FSD2: variants seen among roughly 807,000 people sequenced by gnomAD.
The protein encoded by FSD2 is fibronectin type III and SPRY domain-containing protein 2.
FSD2 carries 71 observed loss-of-function variants against 80.4 expected under a neutral mutation model. The observed-to-expected ratio is 0.88, with a 90% CI of 0.73 to 1.08. The LOEUF (loss-of-function observed/expected upper bound fraction) is 1.08. Ranked by LOEUF, FSD2 falls within the 50% of genes least tolerant of loss-of-function variation. FSD2 has a pLI of 0.00. For missense variants in FSD2, 923 were observed against 913.8 expected (o/e 1.01, Z -0.13); for synonymous variants, 361 against 329.5 (o/e 1.10, Z -1.03).
chr15:82,785,735 A>G (rs1341449735), intron 3 of FSD2, among the ~76,000 whole-genome samples: 1 of 152,138 alleles, frequency 6.6e-6, no homozygotes, highest in African/African-American at 2.4e-5. Context: ...AGTGTTTGAC[A>G]GTCTACACCT....
In FSD2 at chr15:82,769,738, G is replaced by C; in HGVS notation, c.1402+12C>G. 1 of 1,600,986 alleles carries C rather than the reference G, an allele frequency of 6.2e-7. No homozygotes were observed. Among genetic ancestry groups the C allele is most frequent in the Non-Finnish European group, 8.5e-7 (1 of 1,169,630 alleles). On this transcript the variant is annotated intron_variant, in intron 8 of 12. Coordinates refer to ENST00000334574, the MANE Select transcript of FSD2 (RefSeq NM_001007122.4). ...ATGAAAGCCCTGCTATAGGAAATGA[G>C]TAGCCCATTACCTGTCATGTACACT...
chr15:82,794,597 A>T (rs2050218751), intron 1 of FSD2, among the ~76,000 whole-genome samples: 1 of 152,208 alleles, frequency 6.6e-6, no homozygotes, highest in African/African-American at 2.4e-5. Flanking sequence ...GAAGTCTTCA[A>T]CTATTATTAT....
Position 82,786,913 on chromosome 15 carries a change from C to A in FSD2, c.478G>T (p.Glu160Ter). 1.2e-6 allele frequency: 2 copies of A among 1,613,950 alleles called. No homozygotes were observed. Among genetic ancestry groups the A allele is most frequent in the Non-Finnish European group, 1.7e-6 (2 of 1,179,888 alleles). ...YRYTHGRASE[E>*]YECYVIPEEE... The stretch of plus-strand genomic sequence containing the variant: ...TCGGGGATGACATAGCATTCATACT[C>A]CTCGCTGGCACGGCCGTGTGTGTAC... The change falls in exon 2 of 13, where the codon GAG becomes TAG. Residue 160 changes from glutamate to a stop codon, truncating the protein, a stop_gained. Transcript: ENST00000334574. LOFTEE classifies it high-confidence loss of function.
chr15:82,778,259 C>T (rs1318037513), intron 6 of FSD2, among the ~76,000 whole-genome samples: 4 of 150,298 alleles, frequency 2.7e-5, no homozygotes, highest in Non-Finnish European at 4.4e-5. Flanking sequence ...CAGCATTATT[C>T]ACAATAACCA....
In FSD2 at chr15:82,756,079, G is replaced by A. The variant is rs780986174; in HGVS notation, c.*3269C>T. ...ACTTATCTACCAACAGCAATTACAC[G>A]CTTTCCATTGTCTTCCTATAGAAAA... On this transcript the variant is annotated 3_prime_UTR_variant, in exon 13 of 13. Transcript: ENST00000334574. 5 of 468,386 alleles carry A rather than the reference G, an allele frequency of 1.1e-5. No individual in the cohort carries two copies. The highest frequency in any genetic ancestry group is 5.7e-5 in the East Asian group (1 of 17,494). The allele number at this position is 468,386 out of a possible 1,614,324, so 29.0% of individuals were successfully genotyped here. A position where few individuals can be genotyped will look rare whatever the true frequency, so the allele number is the denominator to read the frequency against.
At chr15:82,776,895 T>C (rs938922892) in intron 6 of FSD2, among the ~76,000 whole-genome samples, 7 of 152,140 alleles carry the variant, frequency 4.6e-5, no homozygotes, top group African/African-American at 1.7e-4. Flanking sequence ...CATAGACCAA[T>C]GAAACAGAAT....
chr15:82,763,199 C>T (rs956008831), intron 11 of FSD2, among the ~76,000 whole-genome samples: 18 of 152,224 alleles, frequency 1.2e-4, no homozygotes, highest in African/African-American at 4.3e-4. Context: ...ATTCCCACCC[C>T]TCTTATCTAC....
At position 82,781,161 on chromosome 15, in the gene FSD2, G is replaced by A. The variant is rs147539397; in HGVS notation, c.967-894C>T. Among the ~76,000 whole-genome samples, 91 of 152,302 alleles carry A rather than the reference G, an allele frequency of 6.0e-4. No homozygotes were observed. The East Asian group carries it at 0.016, about 26-fold the overall frequency. ...TTGTGAACAGTTAATGAATGGAAAC[G>A]CCATCATTTACTTGATGGTTCTTCT... is the stretch of plus-strand genomic sequence containing the variant. On this transcript the variant is annotated intron_variant, in intron 4 of 12. Transcript: ENST00000334574.
At chr15:82,776,870 G>A (rs1341007845) in intron 6 of FSD2, among the ~76,000 whole-genome samples, 2 of 152,136 alleles carry the variant, frequency 1.3e-5, no homozygotes, top group Non-Finnish European at 2.9e-5. Flanking sequence ...TATGGTACAG[G>A]CATAAGGACA....
intron 4 of FSD2, among the ~76,000 whole-genome samples, chr15:82,780,476 A>G (rs920044191): frequency 5.3e-5 from 8 of 151,802 alleles, no homozygotes; most frequent in African/African-American, 1.9e-4. Context: ...CTGAGATTAC[A>G]GGCACGCACC....
chr15:82,779,525 G>A (rs1004562434), intron 5 of FSD2, among the ~76,000 whole-genome samples: 7 of 152,064 alleles, frequency 4.6e-5, no homozygotes, highest in Admixed American at 6.6e-5. Context: ...AAATTAGCCA[G>A]GATGGTGGGG....
intron 9 of FSD2, among the ~76,000 whole-genome samples, chr15:82,768,538 A>T (rs2049477590): frequency 6.6e-6 from 1 of 152,198 alleles, no homozygotes; most frequent in Non-Finnish European, 1.5e-5. Flanking sequence ...AAATTTGTCC[A>T]TCTAGTTCCC....
chr15:82,768,305 C>G (rs559817542), intron 9 of FSD2, among the ~76,000 whole-genome samples: 1 of 152,360 alleles, frequency 6.6e-6, no homozygotes, highest in East Asian at 1.9e-4. Flanking sequence ...CCCCCTCCCC[C>G]CGAAGCACCC....
chr15:82,781,572 C>T (rs2049855940), intron 4 of FSD2, among the ~76,000 whole-genome samples: 1 of 152,118 alleles, frequency 6.6e-6, no homozygotes, highest in Admixed American at 6.6e-5. Flanking sequence ...CATAGCCTAG[C>T]CATGTAGAGG....
intron 1 of FSD2, among the ~76,000 whole-genome samples, chr15:82,800,712 A>AAAAAAAAAAAAAC (rs2050392598): frequency 1.3e-5 from 2 of 150,420 alleles, no homozygotes; most frequent in South Asian, 2.1e-4. Flanking sequence ...AAAAAAAAAA[A>AAAAAAAAAAAAAC]AGCCCCTCAG....
chr15:82,774,620 T>C (rs1309024000), intron 6 of FSD2, among the ~76,000 whole-genome samples: 2 of 151,960 alleles, frequency 1.3e-5, no homozygotes, highest in East Asian at 3.9e-4. Context: ...TAAAAACAGA[T>C]ACCCAGGAGG....
rs891497786 is a variant in FSD2 at position 82,758,689 on chromosome 15, C to T, written c.*659G>A. 6.6e-5 allele frequency: 10 copies of T among 152,288 alleles called. No individual in the cohort carries two copies. The highest frequency in any genetic ancestry group is 2.4e-4 in the African/African-American group (10 of 41,394). 9.4% of individuals were successfully genotyped at this position (152,288 alleles called of 1,614,324 possible). A position where few individuals can be genotyped will look rare whatever the true frequency, so the allele number is the denominator to read the frequency against. On this transcript the variant is annotated 3_prime_UTR_variant, in exon 13 of 13. Transcript: ENST00000334574. ...TTGGTGACAGCTGTTATGTGTTAGCCCTTGGTGATCTAGCAATGAACAAAA... is the reference window on the plus strand; with the variant it reads ...TTGGTGACAGCTGTTATGTGTTAGCTCTTGGTGATCTAGCAATGAACAAAA...
intron 3 of FSD2, among the ~76,000 whole-genome samples, chr15:82,785,898 A>C (rs1005124214): frequency 2.2e-4 from 33 of 152,088 alleles, no homozygotes; most frequent in South Asian, 1.5e-3. Flanking sequence ...CTTCTACCCC[A>C]AAAAAAGAGG....
intron 1 of FSD2, 102 bp from the exon 2 acceptor site, chr15:82,787,570 CTG>C (rs2050033507): frequency 3.7e-6 from 2 of 537,460 alleles, no homozygotes; most frequent in South Asian, 4.5e-5. Flanking sequence ...AAAAAATTAT[CTG>C]TGTAGTTCAG....
Sources: allele counts gnomAD v4.1 joint callset (sites outside exome capture counted in the v4.1 genomes callset), GRCh38; gene constraint gnomAD v4.1.1; transcripts MANE v1.5; gene names NCBI Gene and HGNC (gene_info 2026-07-23, HGNC 2026-07-21).